DLGAP4: variants seen among roughly 807,000 people sequenced by gnomAD.
The protein encoded by DLGAP4 is disks large-associated protein 4.
In DLGAP4, 18 loss-of-function variants were observed where a neutral mutation model predicts 86.9. The observed-to-expected ratio is 0.21, with a 90% confidence interval of 0.14 to 0.31. The LOEUF is 0.31. DLGAP4 is among the 10% of genes least tolerant of loss of function. DLGAP4 has a pLI of 1.00. For missense variants in DLGAP4, 1,085 were observed against 1,362.6 expected (o/e 0.80, Z 3.21); for synonymous variants, 548 against 574.3 (o/e 0.95, Z 0.65).
intron 2 of DLGAP4, among the ~76,000 whole-genome samples, chr20:36,409,985 G>A (rs1337428267): frequency 6.7e-6 from 1 of 148,226 alleles, no homozygotes; most frequent in Non-Finnish European, 1.5e-5. Flanking sequence ...AGTGAGCCGA[G>A]ATCACGCCAC....
intron 1 of DLGAP4, among the ~76,000 whole-genome samples, chr20:36,355,282 T>TTTTA (rs1569469191): frequency 6.6e-6 from 1 of 151,616 alleles, no homozygotes; most frequent in African/African-American, 2.4e-5. Flanking sequence ...TCTTGTTCTT[T>TTTTA]TTTCTTTCTT....
At position 36,323,378 on chromosome 20, in the gene DLGAP4, C is replaced by T. The variant is rs1426187946; in HGVS notation, c.-304+16866C>T. On this transcript the variant is annotated intron_variant, in intron 1 of 12. Coordinates refer to ENST00000339266, the MANE Select transcript of DLGAP4 (RefSeq NM_001365621.2). ...ATGCAGATTGTCTCTTTTGTGCTAA[C>T]TTCTTTTGCTCCTCACTTTGTCAAT... Among the ~76,000 whole-genome samples the T allele has an allele frequency of 2.6e-5, 4 of 152,214 alleles. No homozygotes were observed. The East Asian group carries it at 7.7e-4, about 29-fold the overall frequency.
intron 7 of DLGAP4, among the ~76,000 whole-genome samples, chr20:36,447,901 T>TGGG (rs71184097): frequency 1.5e-4 from 8 of 52,330 alleles, no homozygotes; most frequent in East Asian, 5.9e-4. Context: ...ATCAGGGGGG[T>TGGG]GGGGGGGGGG....
chr20:36,432,120 A>C lies in DLGAP4; in HGVS notation c.403A>C (p.Ser135Arg). The change falls in exon 3 of 13, where the codon AGC (serine) becomes CGC (arginine). Residue 135 changes from serine to arginine, a missense_variant. Around this residue, in one of 2 missense-constraint regions of DLGAP4, gnomAD observed 1,082 missense variants for 1,344.1 expected, o/e 0.81. Transcript: ENST00000339266. This position sits in a 1 kb window ranked among gnomAD's most constrained non-coding sequence, Gnocchi z 6.5. ...TGGCGAGGCCAAGGCCCGTGGTGAG[A>C]GCCCTGGCCGCATCCGCCACCTGGT... ...PRGEAKARGE[S>R]PGRIRHLVHS... 1 of 1,614,148 alleles carries C rather than the reference A, an allele frequency of 6.2e-7. No homozygotes were observed. The highest frequency in any genetic ancestry group is 8.5e-7 in the Non-Finnish European group (1 of 1,180,032).
At chr20:36,442,943 G>A (rs572124621) in intron 6 of DLGAP4, among the ~76,000 whole-genome samples, 166 bp downstream of exon 6, 3 of 152,192 alleles carry the variant, frequency 2.0e-5, no homozygotes, top group Admixed American at 2.0e-4. Flanking sequence ...TTGGTGTCCT[G>A]ACTCTCCACT....
In DLGAP4 at chr20:36,416,411, G is replaced by A. The variant is rs117587121; in HGVS notation, c.-72-15235G>A. Among the ~76,000 whole-genome samples the A allele has an allele frequency of 5.3e-3, 810 of 152,242 alleles. 3 individuals are homozygous for A. The highest frequency in any genetic ancestry group is 8.6e-3 in the Non-Finnish European group (583 of 68,006). The stretch of plus-strand genomic sequence containing the variant: ...TACTGGGATTACAGGCGTGAGCCAC[G>A]CACCCGGCCTAAACCATGACATTTT... On this transcript the variant is annotated intron_variant, in intron 2 of 12. Coordinates refer to ENST00000339266, the MANE Select transcript of DLGAP4 (RefSeq NM_001365621.2).
chr20:36,444,216 T>C (rs2033530193), intron 6 of DLGAP4, among the ~76,000 whole-genome samples: 1 of 152,250 alleles, frequency 6.6e-6, no homozygotes, highest in Non-Finnish European at 1.5e-5. Flanking sequence ...AGTAGAACTT[T>C]CTGTAATGAT....
intron 10 of DLGAP4, among the ~76,000 whole-genome samples, chr20:36,513,404 C>G (rs187637053): frequency 5.3e-5 from 8 of 150,258 alleles, no homozygotes; most frequent in Non-Finnish European, 1.0e-4. Flanking sequence ...AAAAATTAGC[C>G]GGGCGCGGTG....
chr20:36,391,849 T>A (rs2147465640), intron 2 of DLGAP4, among the ~76,000 whole-genome samples: 1 of 152,324 alleles, frequency 6.6e-6, no homozygotes, highest in South Asian at 2.1e-4. Context: ...GGGCAACACC[T>A]GCCATAGCTT....
chr20:36,344,787 C>T (rs1012646223), intron 1 of DLGAP4, among the ~76,000 whole-genome samples: 5 of 152,214 alleles, frequency 3.3e-5, no homozygotes, highest in African/African-American at 1.2e-4. Context: ...TGGGATGAGA[C>T]CCTCCACCTC....
At chr20:36,378,063 C>T (rs1234807272) in intron 2 of DLGAP4, among the ~76,000 whole-genome samples, 1 of 152,068 alleles carries the variant, frequency 6.6e-6, no homozygotes, top group Non-Finnish European at 1.5e-5. Flanking sequence ...CCAGGAGAGC[C>T]CCTGGGGAAG....
intron 3 of DLGAP4, among the ~76,000 whole-genome samples, chr20:36,434,952 G>A (rs987263294): frequency 6.6e-6 from 1 of 152,142 alleles, no homozygotes; most frequent in Non-Finnish European, 1.5e-5. Context: ...TGCATGTGGA[G>A]GCGGGGACAG....
chr20:36,447,664 G>A (rs1472508113), intron 7 of DLGAP4, among the ~76,000 whole-genome samples: 1 of 152,112 alleles, frequency 6.6e-6, no homozygotes, highest in East Asian at 1.9e-4. Flanking sequence ...CAAGGGATCT[G>A]CTCATCGTGG....
At chr20:36,461,499 T>TGAGG in intron 7 of DLGAP4, 1 of 982,298 alleles carries the variant, frequency 1.0e-6, no homozygotes, top group Non-Finnish European at 1.2e-6. Context: ...CCGGGCTGCG[T>TGAGG]GAGGGAGGAG....
chr20:36,409,034 C>CTT (rs35210861), intron 2 of DLGAP4, among the ~76,000 whole-genome samples: 1,926 of 111,140 alleles, frequency 0.017, 57 homozygotes, highest in African/African-American at 0.029. Flanking sequence ...AAATAAAAGG[C>CTT]TTTTTTTTTT....
At position 36,467,063 on chromosome 20, in the gene DLGAP4, T is replaced by TCTCTC. The variant is rs1569509700; in HGVS notation, c.1648+20127_1648+20128insTCTCC. 4.3e-4 allele frequency among the ~76,000 whole-genome samples: 17 copies of TCTCTC among 39,350 alleles called. 1 individual carries two copies. The highest frequency in any genetic ancestry group is 1.8e-3 in the African/African-American group (15 of 8,188). The allele number at this position is 39,350 out of a possible 152,430, so 25.8% of individuals were successfully genotyped here. On this transcript the variant is annotated intron_variant, in intron 7 of 12. Coordinates refer to ENST00000339266, the MANE Select transcript of DLGAP4 (RefSeq NM_001365621.2). The stretch of plus-strand genomic sequence containing the variant: ...CTCTCTCTCTCTCTCTCTCTCTCTC[T>TCTCTC]CCCCCCCCCTTCTCTCGGCCCTGCC...
chr20:36,378,811 G>T (rs887791591), intron 2 of DLGAP4, among the ~76,000 whole-genome samples: 1 of 152,036 alleles, frequency 6.6e-6, no homozygotes, highest in Non-Finnish European at 1.5e-5. Flanking sequence ...AGGAGGGTTC[G>T]GGGAAGCTGG....
intron 5 of DLGAP4, among the ~76,000 whole-genome samples, chr20:36,441,242 G>T (rs962300603): frequency 1.1e-4 from 16 of 152,198 alleles, no homozygotes; most frequent in Non-Finnish European, 2.2e-4. Flanking sequence ...CCCTTGCCCT[G>T]CTCCAGCCAT....
At chr20:36,309,378 C>T (rs2065033433) in intron 1 of DLGAP4, among the ~76,000 whole-genome samples, 1 of 152,216 alleles carries the variant, frequency 6.6e-6, no homozygotes, top group African/African-American at 2.4e-5. Context: ...TCAACGTGTG[C>T]ACTCATCCAT....
Sources: gnomAD v4.1 joint callset for allele counts (sites outside exome capture counted in the v4.1 genomes callset) on GRCh38, gnomAD v4.1.1 for gene constraint, gnomAD v4.1.1 regional missense constraint, Gnocchi (gnomAD v3.1) non-coding constraint, MANE v1.5 for transcripts, NCBI Gene and HGNC (gene_info 2026-07-23, HGNC 2026-07-21) for gene names.